MAP4K4: variants seen among roughly 807,000 people sequenced by gnomAD.
MAP4K4 encodes mitogen-activated protein kinase kinase kinase kinase 4, also known as HPK/GCK-like kinase HGK.
Under a neutral mutation model 189.6 loss-of-function variants are expected in MAP4K4, and 38 were observed. The ratio of observed to expected loss-of-function variants is 0.20; its 90% confidence interval spans 0.15 to 0.26. The LOEUF (loss-of-function observed/expected upper bound fraction) is 0.26. Among genes scored for constraint, MAP4K4 ranks in the 10% least tolerant of loss-of-function variants. The pLI is 1.00. For missense variants in MAP4K4, 1,054 were observed against 1,726.9 expected, an observed-to-expected ratio of 0.61 and a Z score of 6.91; for synonymous variants, 610 against 624.3, an observed-to-expected ratio of 0.98 and a Z score of 0.34.
intron 2 of MAP4K4, among the ~76,000 whole-genome samples, chr2:101,698,980 C>T (rs1008344712): frequency 2.0e-5 from 3 of 152,096 alleles, no homozygotes; most frequent in African/African-American, 7.2e-5. Context: ...TCAGTGCTTG[C>T]CAGTTGCTCA....
At chr2:101,813,739 A>G (rs2095566360) in intron 3 of MAP4K4, among the ~76,000 whole-genome samples, 1 of 152,206 alleles carries the variant, frequency 6.6e-6, no homozygotes, top group Non-Finnish European at 1.5e-5. Context: ...CATAAGGACC[A>G]CTTACATCGT....
Position 101,758,018 on chromosome 2 carries a change from C to T in MAP4K4, c.124-32702C>T, listed in dbSNP as rs149990532. 4.4e-3 allele frequency among the ~76,000 whole-genome samples: 677 copies of T among 152,194 alleles called. 5 individuals carry two copies. The highest frequency in any genetic ancestry group is 0.015 in the African/African-American group (637 of 41,520). ...CCAGCCTGAGTGACAAGAGAGACTCCATCTCAAAAAACAAACAAACAAAAG... is the reference window on the plus strand; with the variant it reads ...CCAGCCTGAGTGACAAGAGAGACTCTATCTCAAAAAACAAACAAACAAAAG... On this transcript the variant is annotated intron_variant, in intron 2 of 32. Coordinates refer to ENST00000324219, the Ensembl canonical transcript of MAP4K4.
chr2:101,754,569 G>A (rs926601046), intron 2 of MAP4K4, among the ~76,000 whole-genome samples: 1 of 152,072 alleles, frequency 6.6e-6, no homozygotes, highest in African/African-American at 2.4e-5. Context: ...GGCCAGGCTG[G>A]TCTTGAACTC....
Position 101,724,422 on chromosome 2 carries a change from G to A in MAP4K4, c.123+25884G>A, listed in dbSNP as rs2054067943. 2.0e-5 allele frequency among the ~76,000 whole-genome samples: 3 copies of A among 152,320 alleles called. No individual in the cohort carries two copies. The South Asian group carries it at 6.2e-4, about 32-fold the overall frequency. ...TTTATACAAAAGGAGGGATGGGTCA[G>A]TATGGGCTGTCATTCCTCTTTAAAA... is the stretch of plus-strand genomic sequence containing the variant. On this transcript the variant is annotated intron_variant, in intron 2 of 32. Transcript: ENST00000324219.
At chr2:101,753,006 T>C (rs1379002948) in intron 2 of MAP4K4, among the ~76,000 whole-genome samples, 1 of 152,192 alleles carries the variant, frequency 6.6e-6, no homozygotes, top group African/African-American at 2.4e-5. Flanking sequence ...GCACAGTAAA[T>C]GATGACAGTA....
At chr2:101,850,996 T>C (rs1223232388) in intron 12 of MAP4K4, among the ~76,000 whole-genome samples, 1 of 152,108 alleles carries the variant, frequency 6.6e-6, no homozygotes. Flanking sequence ...TATCAAAATA[T>C]GTTAGTTTCC....
intron 27 of MAP4K4, among the ~76,000 whole-genome samples, chr2:101,877,774 G>A (rs2098250993): frequency 1.3e-5 from 2 of 151,460 alleles, no homozygotes; most frequent in Non-Finnish European, 2.9e-5. Flanking sequence ...TTTTGAGACG[G>A]AGTCTCACTC....
Position 101,806,074 on chromosome 2 carries a change from C to T in MAP4K4, c.180+15298C>T, listed in dbSNP as rs191192704. 3.0e-3 allele frequency among the ~76,000 whole-genome samples: 460 copies of T among 152,300 alleles called. 2 individuals are homozygous for T. Among genetic ancestry groups the T allele is most frequent in the Non-Finnish European group, 2.9e-3 (195 of 68,022 alleles). ...CCACCCCACCCACCATACCCTGCTC[C>T]TGTCCCTACTTTGTCTCTTACAGAT... is the stretch of plus-strand genomic sequence containing the variant. On this transcript the variant is annotated intron_variant, in intron 3 of 32. Transcript: ENST00000324219.
At chr2:101,886,320 A>T (rs1213458263) in intron 29 of MAP4K4, among the ~76,000 whole-genome samples, 1 of 152,172 alleles carries the variant, frequency 6.6e-6, no homozygotes, top group Non-Finnish European at 1.5e-5. Flanking sequence ...CCACCAGCAC[A>T]ATCCAGGCTG....
chr2:101,802,311 C>G (rs1322678866), intron 3 of MAP4K4, among the ~76,000 whole-genome samples: 2 of 152,286 alleles, frequency 1.3e-5, no homozygotes, highest in East Asian at 3.9e-4. Context: ...CCAGTCACTT[C>G]TCACTGTAGC....
chr2:101,789,065 A>G (rs2092355937), intron 2 of MAP4K4, among the ~76,000 whole-genome samples: 1 of 152,216 alleles, frequency 6.6e-6, no homozygotes, highest in Non-Finnish European at 1.5e-5. Context: ...AAGGAAAGCC[A>G]GGACAGTGCA....
At chr2:101,842,736 G>T (rs1305015003) in intron 11 of MAP4K4, 55 bp downstream of exon 11, 3 of 1,420,904 alleles carry the variant, frequency 2.1e-6, no homozygotes, top group East Asian at 2.4e-5. Context: ...TAAGTTTTAT[G>T]TTGTGCCAGG....
chr2:101,803,845 T>G (rs774305520), intron 3 of MAP4K4, among the ~76,000 whole-genome samples: 3 of 152,226 alleles, frequency 2.0e-5, no homozygotes, highest in Non-Finnish European at 4.4e-5. Context: ...AAGACATTTT[T>G]GGTGAGACAT....
At chr2:101,698,651 T>C (rs746383377) in intron 2 of MAP4K4, 113 bp downstream of exon 2, 14 of 946,968 alleles carry the variant, frequency 1.5e-5, no homozygotes, top group Non-Finnish European at 2.4e-5. Context: ...TTGGCCAAAG[T>C]TGGGAGAGGG....
At chr2:101,743,262 CT>C (rs1040024477) in intron 2 of MAP4K4, among the ~76,000 whole-genome samples, 17 of 152,224 alleles carry the variant, frequency 1.1e-4, no homozygotes, top group African/African-American at 3.4e-4. Context: ...GATTAATGCT[CT>C]TTTGCCTTGT....
intron 3 of MAP4K4, among the ~76,000 whole-genome samples, chr2:101,805,023 G>C (rs2149045455): frequency 7.1e-6 from 1 of 140,622 alleles, no homozygotes; most frequent in Non-Finnish European, 1.5e-5. Flanking sequence ...GCAGTGAGCT[G>C]AGATCGCACC....
At chr2:101,698,262 T>G in intron 1 of MAP4K4, 125 bp downstream of exon 1, 8 of 382,274 alleles carry the variant, frequency 2.1e-5, no homozygotes, top group Non-Finnish European at 7.7e-6. Context: ...CGGCGGCCCC[T>G]TTGTCTTCCT....
At chr2:101,872,535 T>G (rs1227074637) in intron 24 of MAP4K4, among the ~76,000 whole-genome samples, 2 of 152,220 alleles carry the variant, frequency 1.3e-5, no homozygotes, top group East Asian at 3.9e-4. Flanking sequence ...CACAGAAGAT[T>G]TGGTTTAAGT....
intron 25 of MAP4K4, 33 bp from the exon 26 acceptor site, chr2:101,874,049 A>G: frequency 1.3e-6 from 2 of 1,587,514 alleles, no homozygotes; most frequent in Non-Finnish European, 1.7e-6. Context: ...GTGTGTGTGT[A>G]CAGAAAATAA....
Sources: allele counts gnomAD v4.1 joint callset (sites outside exome capture counted in the v4.1 genomes callset), GRCh38; gene constraint gnomAD v4.1.1; transcripts MANE v1.5; gene names NCBI Gene and HGNC (gene_info 2026-07-23, HGNC 2026-07-21).